Variants in DIP2C observed in about 807,000 individuals in gnomAD.
DIP2C encodes the protein DIP2 acetate--CoA ligase C (putative), also known as disco-interacting protein 2 homolog C.
Under a neutral mutation model 192.4 loss-of-function variants are expected in DIP2C, and 33 were observed. That is an observed-to-expected ratio of 0.17 (90% CI 0.13 to 0.23). The LOEUF is 0.23. Ranked by LOEUF, DIP2C falls within the 10% of genes least tolerant of loss-of-function variation. The pLI is 1.00. For synonymous variants in DIP2C, 979 were observed against 864.1 expected (o/e 1.13, Z -2.33); for missense variants, 1,537 against 2,110.1 (o/e 0.73, Z 5.32).
intron 4 of DIP2C, among the ~76,000 whole-genome samples, chr10:439,559 G>C (rs1021706292): frequency 1.2e-4 from 19 of 152,200 alleles, no homozygotes; most frequent in African/African-American, 4.1e-4. Flanking sequence ...CACGGCTGCA[G>C]TGAGCCAAGA....
At chr10:418,331 G>T (rs532410923) in intron 6 of DIP2C, among the ~76,000 whole-genome samples, 1 of 151,960 alleles carries the variant, frequency 6.6e-6, no homozygotes, top group East Asian at 1.9e-4. Context: ...CACTGTGCCT[G>T]TCGGGGCTCT....
rs568796184 is a variant in DIP2C, at chr10:685,338, C to A, written c.85+4156G>T. Among the ~76,000 whole-genome samples, 324 of 152,078 alleles carry A rather than the reference C, an allele frequency of 2.1e-3. 1 individual carries two copies. The highest frequency in any genetic ancestry group is 6.8e-3 in the Middle Eastern group (2 of 294). ...GCTGCACTACTGTGGAGCATAACTG[C>A]TCGCTGAAGGAATCGGCTACATTAA... is the stretch of plus-strand genomic sequence containing the variant. On this transcript the variant is annotated intron_variant, in intron 1 of 36. Coordinates refer to ENST00000280886, the MANE Select transcript of DIP2C (RefSeq NM_014974.3).
intron 1 of DIP2C, among the ~76,000 whole-genome samples, chr10:492,497 C>G (rs545101434): frequency 1.3e-5 from 2 of 152,342 alleles, no homozygotes; most frequent in East Asian, 3.9e-4. Context: ...AAAGCCTGCA[C>G]TAGGATTCAT....
At chr10:426,533 C>T (rs1359839053) in intron 4 of DIP2C, among the ~76,000 whole-genome samples, 6 of 152,146 alleles carry the variant, frequency 3.9e-5, no homozygotes, top group Non-Finnish European at 5.9e-5. Flanking sequence ...ATACAAAGGA[C>T]CTACAATAGC....
chr10:532,339 C>G (rs1847418975), intron 1 of DIP2C, among the ~76,000 whole-genome samples: 1 of 152,198 alleles, frequency 6.6e-6, no homozygotes, highest in Non-Finnish European at 1.5e-5. Flanking sequence ...CCCTCTCTCC[C>G]CTGGACAGAC....
chr10:288,480 C>A, intron 32 of DIP2C, 59 bp from the exon 33 acceptor site: 4 of 1,574,568 alleles, frequency 2.5e-6, no homozygotes, highest in Non-Finnish European at 3.5e-6. Context: ...TTCCCCTTCA[C>A]CAATTCACAC....
At chr10:590,715 C>A (rs755974323) in intron 1 of DIP2C, among the ~76,000 whole-genome samples, 8 of 152,194 alleles carry the variant, frequency 5.3e-5, no homozygotes. Context: ...TCTTCACTTA[C>A]CTAGTGCTAG....
intron 1 of DIP2C, among the ~76,000 whole-genome samples, chr10:609,179 A>G (rs1466485327): frequency 6.6e-6 from 1 of 152,084 alleles, no homozygotes; most frequent in African/African-American, 2.4e-5. Flanking sequence ...ATATTTAATG[A>G]TCTTCACCTA....
intron 29 of DIP2C, among the ~76,000 whole-genome samples, chr10:331,692 G>A (rs984604220): frequency 1.3e-5 from 2 of 152,172 alleles, no homozygotes; most frequent in African/African-American, 4.8e-5. Flanking sequence ...CTCGCTCTTT[G>A]CTTTCTGCAG....
chr10:688,596 G>T (rs1285856902), intron 1 of DIP2C, among the ~76,000 whole-genome samples: 2 of 141,530 alleles, frequency 1.4e-5, no homozygotes, highest in Admixed American at 7.6e-5. Flanking sequence ...GGAATGGCCT[G>T]ACCAGGATGA....
chr10:578,431 C>T (rs560706076), intron 1 of DIP2C, among the ~76,000 whole-genome samples: 1 of 152,184 alleles, frequency 6.6e-6, no homozygotes, highest in African/African-American at 2.4e-5. Flanking sequence ...TTAGTTCTAC[C>T]TCACTGAAAT....
At chr10:657,702 C>A (rs868049669) in intron 1 of DIP2C, among the ~76,000 whole-genome samples, 1 of 140,694 alleles carries the variant, frequency 7.1e-6, no homozygotes, top group African/African-American at 2.6e-5. Context: ...TGACACTGGA[C>A]CTGCCCCTGG....
At chr10:601,170 G>A (rs1204942066) in intron 1 of DIP2C, among the ~76,000 whole-genome samples, 1 of 152,176 alleles carries the variant, frequency 6.6e-6, no homozygotes, top group East Asian at 1.9e-4. Context: ...CCCAACTGTA[G>A]AGGTTTTAAT....
chr10:587,214 C>T (rs1211213144), intron 1 of DIP2C, among the ~76,000 whole-genome samples: 1 of 149,356 alleles, frequency 6.7e-6, no homozygotes, highest in African/African-American at 2.5e-5. Context: ...CCAGACTACC[C>T]GGGTCCCTGC....
intron 32 of DIP2C, among the ~76,000 whole-genome samples, chr10:300,150 C>T (rs12247583): frequency 0.19 from 28,264 of 152,116 alleles, 2,966 homozygotes; most frequent in African/African-American, 0.27. Context: ...TCAGCAATTC[C>T]ACTTCTGAGT....
intron 21 of DIP2C, 114 bp from the exon 22 acceptor site, chr10:362,805 G>T: frequency 8.5e-7 from 1 of 1,173,650 alleles, no homozygotes; most frequent in South Asian, 1.8e-5. Flanking sequence ...TATAAGCACT[G>T]TTCCCAGCAT....
In DIP2C at chr10:576,526, C is replaced by T. The variant is rs114604731; in HGVS notation, c.86-89996G>A. Among the ~76,000 whole-genome samples, 725 of 152,304 alleles carry T rather than the reference C, an allele frequency of 4.8e-3. 5 individuals carry two copies. The highest frequency in any genetic ancestry group is 0.016 in the African/African-American group (669 of 41,552). ...GCCATGAGCGCTAAATTAGCATGTACATACACAACCACATTCATTTCAATT... is the reference window on the plus strand; with the variant it reads ...GCCATGAGCGCTAAATTAGCATGTATATACACAACCACATTCATTTCAATT... On this transcript the variant is annotated intron_variant, in intron 1 of 36. Coordinates refer to ENST00000280886, the MANE Select transcript of DIP2C (RefSeq NM_014974.3).
chr10:620,602 CAG>C lies in DIP2C; in HGVS notation c.85+68890_85+68891del, dbSNP rs552836224. Among the ~76,000 whole-genome samples the C allele has an allele frequency of 1.6e-3, 243 of 152,338 alleles. 2 individuals carry two copies. Among genetic ancestry groups the C allele is most frequent in the Non-Finnish European group, 2.8e-3 (192 of 68,030 alleles). ...ACCACTAACCACAGCTTCTCCAAAACAGAACTAAACTACCTTTAGTTTGAATT... is the reference window on the plus strand; with the variant it reads ...ACCACTAACCACAGCTTCTCCAAAACAACTAAACTACCTTTAGTTTGAATT... On this transcript the variant is annotated intron_variant, in intron 1 of 36. Coordinates refer to ENST00000280886, the MANE Select transcript of DIP2C (RefSeq NM_014974.3).
At chr10:364,820 G>T (rs1959994931) in intron 19 of DIP2C, 1 of 624,414 alleles carries the variant, frequency 1.6e-6, no homozygotes, top group Non-Finnish European at 2.9e-6. Context: ...CTCACCTGCT[G>T]GAGCCTCCTG....
Sources: allele counts gnomAD v4.1 joint callset (sites outside exome capture counted in the v4.1 genomes callset), GRCh38; gene constraint gnomAD v4.1.1; transcripts MANE v1.5; gene names NCBI Gene and HGNC (gene_info 2026-07-23, HGNC 2026-07-21).